The following PCDH11X variants were observed in gnomAD, a reference collection of about 807,000 sequenced individuals.
PCDH11X encodes protocadherin 11 X-linked.
PCDH11X carries 18 observed loss-of-function variants against 53.3 expected under a neutral mutation model. The ratio of observed to expected loss-of-function variants is 0.34; its 90% CI spans 0.23 to 0.50. PCDH11X has a LOEUF of 0.50. Among genes scored for constraint, PCDH11X ranks in the 20% least tolerant of loss-of-function variants. The pLI is 0.98. For missense variants in PCDH11X, 570 were observed against 1,032.4 expected, an observed-to-expected ratio of 0.55 and a Z score of 6.14; for synonymous variants, 279 against 393.3, an observed-to-expected ratio of 0.71 and a Z score of 3.44.
At chrX:92,249,789 T>G (rs143906854) in intron 7 of PCDH11X, among the ~76,000 whole-genome samples, 1,514 of 111,866 alleles carry the variant, frequency 0.014, 56 homozygotes, top group Admixed American at 0.13. Flanking sequence ...TTCATTATAG[T>G]ACTTTATATA....
chrX:92,143,553 G>GT (rs2065222868), intron 6 of PCDH11X, among the ~76,000 whole-genome samples: 2 of 112,700 alleles, frequency 1.8e-5, no homozygotes, highest in African/African-American at 3.2e-5. Context: ...TGTTGAGCCT[G>GT]TGGGTGCACA....
At chrX:92,058,426 C>A (rs182545636) in intron 6 of PCDH11X, among the ~76,000 whole-genome samples, 3,471 of 109,896 alleles carry the variant, frequency 0.032, 137 homozygotes, top group African/African-American at 0.11. Flanking sequence ...TAACAAAAAA[C>A]CAATTTTTGG....
chrX:92,144,771 AT>A (rs1286558180), intron 6 of PCDH11X, among the ~76,000 whole-genome samples: 1 of 109,895 alleles, frequency 9.1e-6, no homozygotes, highest in African/African-American at 3.3e-5. Context: ...CTTCAAATTG[AT>A]GCAGAGGGAT....
chrX:92,211,437 T>C (rs941687599), intron 7 of PCDH11X, among the ~76,000 whole-genome samples: 1 of 112,033 alleles, frequency 8.9e-6, no homozygotes, highest in East Asian at 2.8e-4. Flanking sequence ...CAATTCAACA[T>C]GGGATTTTGG....
Position 92,239,277 on chromosome X carries a change from T to C in PCDH11X, c.3115-23837T>C, listed in dbSNP as rs774403281. On this transcript the variant is annotated intron_variant, in intron 7 of 10. Transcript: ENST00000682573. ...TCACTGATATTTGGCTATTCATTTT[T>C]CTTATTTAGTTAATTTATATATAGA... Among the ~76,000 whole-genome samples, 67 of 111,565 alleles carry C rather than the reference T, an allele frequency of 6.0e-4. 1 individual carries two copies. In the Admixed American group the frequency reaches 6.1e-3, roughly 10 times the overall value.
chrX:92,081,621 AG>A (rs1387565165), intron 6 of PCDH11X, among the ~76,000 whole-genome samples: 2 of 110,275 alleles, frequency 1.8e-5, no homozygotes, highest in Admixed American at 9.9e-5. Context: ...CATCATCATT[AG>A]TATGATGTAA....
At chrX:92,588,290 T>G (rs1182363521) in intron 10 of PCDH11X, among the ~76,000 whole-genome samples, 1 of 98,499 alleles carries the variant, frequency 1.0e-5, no homozygotes, top group Non-Finnish European at 2.0e-5. Context: ...TGAAAATGTT[T>G]ATTACACTTC....
At chrX:92,434,334 A>G (rs1454043041) in intron 9 of PCDH11X, among the ~76,000 whole-genome samples, 3 of 109,487 alleles carry the variant, frequency 2.7e-5, no homozygotes, top group African/African-American at 1.0e-4. Context: ...GCAAGATTCT[A>G]TAATTACATG....
At chrX:92,139,320 G>C (rs2065139824) in intron 6 of PCDH11X, among the ~76,000 whole-genome samples, 2 of 91,297 alleles carry the variant, frequency 2.2e-5, no homozygotes, top group South Asian at 1.1e-3. Flanking sequence ...TTGTCGCCCA[G>C]GCTGAAGTGC....
At chrX:92,232,722 AATTATT>A (rs1489928902) in intron 7 of PCDH11X, among the ~76,000 whole-genome samples, 2 of 111,844 alleles carry the variant, frequency 1.8e-5, no homozygotes, top group East Asian at 5.6e-4. Flanking sequence ...AATTTTTTTA[AATTATT>A]ATTATTGAGA....
chrX:92,519,664 ATTAG>A (rs1316000789), intron 10 of PCDH11X, among the ~76,000 whole-genome samples: 3 of 107,996 alleles, frequency 2.8e-5, no homozygotes, highest in African/African-American at 1.0e-4. Context: ...ACCCTTTATT[ATTAG>A]TTAATTTTTA....
chrX:92,233,016 G>A (rs2067109621), intron 7 of PCDH11X, among the ~76,000 whole-genome samples: 1 of 111,530 alleles, frequency 9.0e-6, no homozygotes, highest in Non-Finnish European at 1.9e-5. Context: ...CGCCCGGCCT[G>A]CCCTAAATAT....
intron 9 of PCDH11X, among the ~76,000 whole-genome samples, chrX:92,412,509 GTATA>G (rs748836273): frequency 0.064 from 4,090 of 63,644 alleles, 171 homozygotes; most frequent in Middle Eastern, 0.095. Flanking sequence ...AAAGAAAATA[GTATA>G]TATATATATA....
intron 4 of PCDH11X, among the ~76,000 whole-genome samples, chrX:91,825,576 G>T (rs1162593597): frequency 2.7e-5 from 3 of 111,195 alleles, no homozygotes; most frequent in Non-Finnish European, 5.7e-5. Flanking sequence ...CCCACTGTGT[G>T]GCACTCCCTA....
intron 10 of PCDH11X, among the ~76,000 whole-genome samples, chrX:92,530,358 C>A (rs1260825636): frequency 9.3e-6 from 1 of 108,000 alleles, no homozygotes; most frequent in Admixed American, 1.0e-4. Flanking sequence ...AGAGCATACA[C>A]CCCCACCAAA....
intron 8 of PCDH11X, among the ~76,000 whole-genome samples, chrX:92,353,028 T>G (rs1194945531): frequency 1.8e-5 from 2 of 111,790 alleles, no homozygotes; most frequent in Non-Finnish European, 3.8e-5. Context: ...TAGTTCTGCC[T>G]TCTATCTACC....
chrX:91,812,505 C>G (rs1936322652), intron 4 of PCDH11X, among the ~76,000 whole-genome samples: 1 of 110,828 alleles, frequency 9.0e-6, no homozygotes, highest in Non-Finnish European at 1.9e-5. Context: ...AAGTCATTCT[C>G]AGTTCTGTTA....
intron 10 of PCDH11X, among the ~76,000 whole-genome samples, chrX:92,582,110 C>A (rs1923775961): frequency 1.1e-5 from 1 of 91,104 alleles, no homozygotes; most frequent in African/African-American, 4.3e-5. Flanking sequence ...AAATTTGCAG[C>A]CTGATGATTG....
chrX:92,502,509 A>G (rs2073978526), intron 10 of PCDH11X, among the ~76,000 whole-genome samples: 1 of 109,197 alleles, frequency 9.2e-6, no homozygotes, highest in South Asian at 4.0e-4. Context: ...ATCATGGTAC[A>G]AGAACAGACA....
Sources: gnomAD v4.1 joint callset for allele counts (sites outside exome capture counted in the v4.1 genomes callset) on GRCh38, gnomAD v4.1.1 for gene constraint, MANE v1.5 for transcripts, NCBI Gene and HGNC (gene_info 2026-07-23, HGNC 2026-07-21) for gene names.